Variants in GLDC observed in about 807,000 individuals in gnomAD.
GLDC encodes the protein glycine decarboxylase.
A neutral mutation model predicts 121.3 loss-of-function variants in GLDC; 104 were observed. The observed-to-expected ratio is 0.86, with a 90% CI of 0.73 to 1.01. The LOEUF (loss-of-function observed/expected upper bound fraction) is 1.01. Ranked by LOEUF, GLDC falls within the 50% of genes least tolerant of loss-of-function variation. The probability of loss-of-function intolerance (pLI) is 0.00; values close to 1 mark genes in which losing one functional copy is unlikely to be tolerated. For missense variants in GLDC, 1,429 were observed against 1,306.6 expected (o/e 1.09, Z -1.44); for synonymous variants, 546 against 480.6 (o/e 1.14, Z -1.78).
intron 16 of GLDC, among the ~76,000 whole-genome samples, chr9:6,560,856 G>C (rs1433282974): frequency 6.6e-6 from 1 of 152,174 alleles, no homozygotes; most frequent in African/African-American, 2.4e-5. Context: ...AAGATCTTGA[G>C]ATGGAAAAAT....
chr9:6,577,264 G>T (rs1454495334), intron 15 of GLDC, among the ~76,000 whole-genome samples: 2 of 152,202 alleles, frequency 1.3e-5, no homozygotes, highest in Non-Finnish European at 2.9e-5. Flanking sequence ...GAGTCCACTT[G>T]ATGTTAAATA....
chr9:6,644,044 A>T (rs1419338251), intron 2 of GLDC, among the ~76,000 whole-genome samples: 2 of 148,598 alleles, frequency 1.3e-5, no homozygotes, highest in Non-Finnish European at 3.0e-5. Context: ...AAAAAAAAAA[A>T]AAAAAACGAA....
Position 6,540,139 on chromosome 9 carries a change from C to A in GLDC, c.2577G>T (p.Val859=), listed in dbSNP as rs935896982. The A allele has an allele frequency of 6.2e-7, 1 of 1,607,088 alleles. No individual in the cohort carries two copies. ...RILFRGARGY[V]GHEFILDTRP... ...TCGTGTCCAAAATAAATTCATGACC[C>A]ACATAACCTGTTCAGGAAAGTTGTT... Residue 859 remains valine (V), a synonymous_variant, in exon 22 of 25, where the codon GTG becomes GTT. Coordinates refer to ENST00000321612, the MANE Select transcript of GLDC (RefSeq NM_000170.3).
chr9:6,587,458 C>T (rs1405875150), intron 14 of GLDC, among the ~76,000 whole-genome samples, 175 bp from the exon 15 acceptor site: 1 of 152,154 alleles, frequency 6.6e-6, no homozygotes, highest in Admixed American at 6.5e-5. Flanking sequence ...AGTACCGTTA[C>T]TGTCTTCATT....
intron 2 of GLDC, among the ~76,000 whole-genome samples, chr9:6,636,724 G>A (rs541197647): frequency 1.3e-5 from 2 of 152,192 alleles, no homozygotes; most frequent in African/African-American, 2.4e-5. Flanking sequence ...GCAGTAAGCT[G>A]TAATCACACC....
At chr9:6,619,070 A>G (rs1819024412) in intron 3 of GLDC, among the ~76,000 whole-genome samples, 1 of 141,628 alleles carries the variant, frequency 7.1e-6, no homozygotes, top group East Asian at 2.3e-4. Context: ...TTGAACTCGA[A>G]GGGCAGAGGT....
chr9:6,633,279 G>A (rs916818609), intron 2 of GLDC, among the ~76,000 whole-genome samples: 8 of 152,026 alleles, frequency 5.3e-5, no homozygotes, highest in African/African-American at 1.7e-4. Context: ...CTCTCCTTCT[G>A]CATGTTTTAT....
intron 2 of GLDC, 98 bp from the exon 3 acceptor site, chr9:6,620,417 G>A: frequency 9.8e-7 from 1 of 1,022,864 alleles, no homozygotes; most frequent in Non-Finnish European, 1.5e-6. Context: ...ATTTATGACA[G>A]AATAACTATA....
At chr9:6,564,014 G>C (rs925592962) in intron 16 of GLDC, among the ~76,000 whole-genome samples, 1 of 152,066 alleles carries the variant, frequency 6.6e-6, no homozygotes, top group Non-Finnish European at 1.5e-5. Flanking sequence ...GAGAGGTCCA[G>C]GGGCGGGTGG....
chr9:6,566,161 G>A (rs1249487987), intron 15 of GLDC, among the ~76,000 whole-genome samples: 1 of 152,170 alleles, frequency 6.6e-6, no homozygotes, highest in Non-Finnish European at 1.5e-5. Flanking sequence ...AAGGATCACT[G>A]GAGTCTGTGA....
At chr9:6,629,958 T>TAA in intron 2 of GLDC, among the ~76,000 whole-genome samples, 2 of 78,678 alleles carry the variant, frequency 2.5e-5, no homozygotes, top group African/African-American at 1.2e-4. Context: ...TATATATATA[T>TAA]TTTTTTTTTT....
intron 2 of GLDC, among the ~76,000 whole-genome samples, chr9:6,626,825 C>G (rs1443096811): frequency 6.6e-6 from 1 of 152,206 alleles, no homozygotes; most frequent in African/African-American, 2.4e-5. Context: ...CACTCAGGCA[C>G]TGGTCATGCC....
In GLDC at chr9:6,602,097, C is replaced by T. The variant is rs200706904; in HGVS notation, c.1155+12G>A. 1.5e-5 allele frequency: 22 copies of T among 1,506,240 alleles called. No homozygotes were observed. The highest frequency in any genetic ancestry group is 9.0e-5 in the East Asian group (4 of 44,420). The allele number at this position is 1,506,240 out of a possible 1,614,324, so 93.3% of individuals were successfully genotyped here. On this transcript the variant is annotated intron_variant, in intron 8 of 24. Coordinates refer to ENST00000321612, the MANE Select transcript of GLDC (RefSeq NM_000170.3). ...TAAGGCATTCAGTAGTCAGGTCAGA[C>T]GTGTGATTTACCTGAGCTGTACAGA...
chr9:6,630,623 G>C (rs935065496), intron 2 of GLDC, among the ~76,000 whole-genome samples: 1 of 152,196 alleles, frequency 6.6e-6, no homozygotes, highest in African/African-American at 2.4e-5. Context: ...GCCAGAATGT[G>C]AGGACAGAGA....
intron 20 of GLDC, 127 bp downstream of exon 20, chr9:6,553,241 T>G (rs1296403475): frequency 1.2e-6 from 1 of 840,754 alleles, no homozygotes; most frequent in Non-Finnish European, 1.9e-6. Flanking sequence ...ATCAGCAATA[T>G]TCTTTGAACC....
intron 11 of GLDC, among the ~76,000 whole-genome samples, chr9:6,590,435 T>A (rs1257456971): frequency 6.6e-6 from 1 of 152,202 alleles, no homozygotes; most frequent in Non-Finnish European, 1.5e-5. Context: ...GGCGCTGTCT[T>A]CACAGTAATG....
chr9:6,639,381 G>A (rs1473366356), intron 2 of GLDC: 22 of 888,160 alleles, frequency 2.5e-5, no homozygotes, highest in East Asian at 2.0e-4. Context: ...TCAAGTTTAC[G>A]CTGACCACTG....
chr9:6,596,331 A>G (rs1818493789), intron 8 of GLDC, among the ~76,000 whole-genome samples: 1 of 152,260 alleles, frequency 6.6e-6, no homozygotes, highest in Admixed American at 6.5e-5. Flanking sequence ...ATTGATGAGA[A>G]GTATAAAACC....
At chr9:6,578,851 C>A (rs1378890410) in intron 15 of GLDC, among the ~76,000 whole-genome samples, 1 of 152,154 alleles carries the variant, frequency 6.6e-6, no homozygotes, top group South Asian at 2.1e-4. Flanking sequence ...CTTTCCAGTT[C>A]TCCTTGTGAT....
Sources: gnomAD v4.1 joint callset for allele counts (sites outside exome capture counted in the v4.1 genomes callset) on GRCh38, gnomAD v4.1.1 for gene constraint, MANE v1.5 for transcripts, NCBI Gene and HGNC (gene_info 2026-07-23, HGNC 2026-07-21) for gene names.